Variants in ENTREP2 observed in about 807,000 individuals in gnomAD.
ENTREP2 encodes protein ENTREP2.
chr15:29,523,957 T>C, the ENTREP2 span, among the ~76,000 whole-genome samples: 1 of 152,114 alleles, frequency 6.6e-6, no homozygotes, highest in East Asian at 1.9e-4. Context: ...AGATGTAAAT[T>C]TTCATGATGT....
chr15:29,555,631 C>G, the ENTREP2 span, among the ~76,000 whole-genome samples: 1 of 152,172 alleles, frequency 6.6e-6, no homozygotes, highest in Admixed American at 6.5e-5. Flanking sequence ...AGTGAGCTGG[C>G]TATTTGCATA....
At chr15:29,352,095 G>A in the ENTREP2 span, among the ~76,000 whole-genome samples, 1 of 151,904 alleles carries the variant, frequency 6.6e-6, no homozygotes, top group African/African-American at 2.4e-5. Flanking sequence ...CAACCATACC[G>A]GGCTAATTTT....
At chr15:29,625,860 CTTTTT>C in the ENTREP2 span, among the ~76,000 whole-genome samples, 23 of 151,422 alleles carry the variant, frequency 1.5e-4, no homozygotes, top group East Asian at 5.9e-4. Flanking sequence ...TTTTTCTTTT[CTTTTT>C]TATTTTATTT....
At chr15:29,556,936 G>T in the ENTREP2 span, among the ~76,000 whole-genome samples, 1 of 152,142 alleles carries the variant, frequency 6.6e-6, no homozygotes, top group East Asian at 1.9e-4. Flanking sequence ...TGGCCAAAGG[G>T]GTGGATATTC....
the ENTREP2 span, among the ~76,000 whole-genome samples, chr15:29,550,311 AAC>A: frequency 1.3e-5 from 2 of 152,214 alleles, no homozygotes; most frequent in Non-Finnish European, 2.9e-5. Context: ...TGCATATTAA[AAC>A]AGAGTTGATC....
the ENTREP2 span, among the ~76,000 whole-genome samples, chr15:29,486,810 C>T: frequency 3.9e-5 from 6 of 152,160 alleles, no homozygotes; most frequent in East Asian, 1.2e-3. Flanking sequence ...CACATGATCT[C>T]AACCATATGT....
At chr15:29,424,537 C>T in the ENTREP2 span, among the ~76,000 whole-genome samples, 12 of 152,112 alleles carry the variant, frequency 7.9e-5, no homozygotes, top group Middle Eastern at 3.2e-3. Flanking sequence ...TCTGGGTAGG[C>T]GCCAACCTCT....
At chr15:29,119,656 T>A in the ENTREP2 span, among the ~76,000 whole-genome samples, 1 of 4,346 alleles carries the variant, frequency 2.3e-4, no homozygotes, top group Non-Finnish European at 2.1e-3. Context: ...AATAATAAAA[T>A]AATTCACAAT....
chr15:29,468,482 T>C, the ENTREP2 span, among the ~76,000 whole-genome samples: 2 of 151,962 alleles, frequency 1.3e-5, no homozygotes, highest in African/African-American at 4.8e-5. Context: ...TGGTGGCGCA[T>C]GCCTGTAATC....
chr15:29,586,615 G>A, the ENTREP2 span, among the ~76,000 whole-genome samples: 2 of 152,082 alleles, frequency 1.3e-5, no homozygotes, highest in African/African-American at 2.4e-5. Context: ...GAATTAGCTG[G>A]GCGTGGTGGT....
At chr15:29,233,936 ACTTC>A in the ENTREP2 span, 3 of 1,562,836 alleles carry the variant, frequency 1.9e-6, no homozygotes, top group Non-Finnish European at 2.6e-6. Flanking sequence ...TGGAGTATCT[ACTTC>A]CATTGCAGTT....
chr15:29,142,311 C>T, the ENTREP2 span, among the ~76,000 whole-genome samples: 1 of 152,242 alleles, frequency 6.6e-6, no homozygotes, highest in Admixed American at 6.5e-5. Context: ...GACAGATGCT[C>T]ATTAGCATAT....
chr15:29,468,778 C>T, the ENTREP2 span, among the ~76,000 whole-genome samples: 2 of 152,054 alleles, frequency 1.3e-5, no homozygotes, highest in East Asian at 3.9e-4. Flanking sequence ...AATCATTAGC[C>T]AACACATACA....
the ENTREP2 span, among the ~76,000 whole-genome samples, chr15:29,604,027 T>A: frequency 2.0e-5 from 3 of 151,790 alleles, no homozygotes; most frequent in African/African-American, 4.8e-5. Context: ...AGAATTTAGA[T>A]GAAAAAAAGA....
chr15:29,242,199 C>T, the ENTREP2 span, among the ~76,000 whole-genome samples: 1 of 152,240 alleles, frequency 6.6e-6, no homozygotes, highest in Admixed American at 6.5e-5. Context: ...GTTCAAGTAG[C>T]TGGGATTACA....
At chr15:29,187,462 GAT>G in the ENTREP2 span, among the ~76,000 whole-genome samples, 4 of 152,224 alleles carry the variant, frequency 2.6e-5, no homozygotes, top group African/African-American at 9.6e-5. Flanking sequence ...TTTTAGTAGA[GAT>G]GAAGTTTCAT....
the ENTREP2 span, among the ~76,000 whole-genome samples, chr15:29,523,291 C>T: frequency 2.6e-5 from 4 of 152,146 alleles, no homozygotes; most frequent in Non-Finnish European, 4.4e-5. Context: ...ATCTGAGATT[C>T]CTGTACATGT....
the ENTREP2 span, among the ~76,000 whole-genome samples, chr15:29,493,051 A>G: frequency 6.7e-6 from 1 of 149,908 alleles, no homozygotes; most frequent in Admixed American, 6.7e-5. Flanking sequence ...AATAACAGTG[A>G]CTTCAGTTAA....
chr15:29,518,974 G>A, the ENTREP2 span, among the ~76,000 whole-genome samples: 2 of 152,116 alleles, frequency 1.3e-5, no homozygotes, highest in Non-Finnish European at 2.9e-5. Flanking sequence ...CTTGCTCTAT[G>A]GAAGAAAATC....
Sources: gnomAD v4.1 joint callset for allele counts (sites outside exome capture counted in the v4.1 genomes callset) on GRCh38, gnomAD v4.1.1 for gene constraint, MANE v1.5 for transcripts, NCBI Gene and HGNC (gene_info 2026-07-23, HGNC 2026-07-21) for gene names.